Variants in GRM7 observed in about 807,000 individuals in gnomAD.
The protein encoded by GRM7 is metabotropic glutamate receptor 7.
A neutral mutation model predicts 84.5 loss-of-function variants in GRM7; 35 were observed. That is an observed-to-expected ratio of 0.41 (90% CI 0.32 to 0.55). The LOEUF is 0.55. GRM7 is among the 20% of genes least tolerant of loss of function. GRM7 has a pLI of 0.19. For synonymous variants in GRM7, 487 were observed against 455.1 expected (o/e 1.07, Z -0.89); for missense variants, 1,003 against 1,194.6 (o/e 0.84, Z 2.36).
At chr3:7,338,925 TC>T (rs1701529053) in intron 4 of GRM7, among the ~76,000 whole-genome samples, 1 of 150,886 alleles carries the variant, frequency 6.6e-6, no homozygotes, top group Non-Finnish European at 1.5e-5. Flanking sequence ...GAGACTACTT[TC>T]CAGGCTGGGG....
At chr3:7,262,723 G>A (rs995207891) in intron 2 of GRM7, among the ~76,000 whole-genome samples, 14 of 22,296 alleles carry the variant, frequency 6.3e-4, no homozygotes, top group African/African-American at 2.8e-3. Flanking sequence ...TTGAGATGGA[G>A]TCTCGCTTTG....
intron 8 of GRM7, among the ~76,000 whole-genome samples, chr3:7,639,814 A>G (rs1237921425): frequency 6.6e-6 from 1 of 152,170 alleles, no homozygotes; most frequent in Non-Finnish European, 1.5e-5. Context: ...CCACAACAAG[A>G]TATAGATTTC....
intron 5 of GRM7, among the ~76,000 whole-genome samples, chr3:7,447,981 T>A: frequency 6.9e-6 from 1 of 144,212 alleles, no homozygotes. Flanking sequence ...TTCCCACCTA[T>A]GAGTGAGAAC....
chr3:6,968,932 A>G (rs1335145004), intron 1 of GRM7, among the ~76,000 whole-genome samples: 1 of 152,218 alleles, frequency 6.6e-6, no homozygotes, highest in East Asian at 1.9e-4. Context: ...CAGAAATTCA[A>G]TTTGTGTGTA....
chr3:7,697,537 C>G (rs1559494145), intron 9 of GRM7, among the ~76,000 whole-genome samples: 1 of 152,112 alleles, frequency 6.6e-6, no homozygotes, highest in Non-Finnish European at 1.5e-5. Flanking sequence ...AAGGAGAGAA[C>G]AACAAAAGTT....
At chr3:7,051,631 C>T (rs927784773) in intron 1 of GRM7, among the ~76,000 whole-genome samples, 1 of 151,626 alleles carries the variant, frequency 6.6e-6, no homozygotes, top group African/African-American at 2.4e-5. Context: ...AATTGGTAAC[C>T]AGGATGTTTT....
intron 1 of GRM7, among the ~76,000 whole-genome samples, chr3:6,909,824 T>C (rs1413511244): frequency 6.6e-6 from 1 of 152,106 alleles, no homozygotes; most frequent in Admixed American, 6.6e-5. Context: ...CTATCCATGA[T>C]ATATAAATTA....
intron 4 of GRM7, among the ~76,000 whole-genome samples, chr3:7,334,364 C>T (rs1214452315): frequency 1.3e-5 from 2 of 151,970 alleles, no homozygotes; most frequent in Non-Finnish European, 2.9e-5. Flanking sequence ...AAAGATTTTG[C>T]CTGCTACCAA....
intron 4 of GRM7, among the ~76,000 whole-genome samples, chr3:7,376,193 A>G (rs1694341812): frequency 6.6e-6 from 1 of 152,128 alleles, no homozygotes; most frequent in South Asian, 2.1e-4. Flanking sequence ...TCTTACACCC[A>G]TGGTTCTCGC....
chr3:7,004,958 C>G (rs1421268144), intron 1 of GRM7, among the ~76,000 whole-genome samples: 5 of 152,134 alleles, frequency 3.3e-5, no homozygotes, highest in Non-Finnish European at 7.4e-5. Context: ...TTGTGCATGT[C>G]AGGAATCCTT....
chr3:6,895,597 T>C (rs904689855), intron 1 of GRM7, among the ~76,000 whole-genome samples: 1 of 152,178 alleles, frequency 6.6e-6, no homozygotes, highest in African/African-American at 2.4e-5. Context: ...TGAACCCTTT[T>C]TGTTGGATAC....
intron 5 of GRM7, among the ~76,000 whole-genome samples, chr3:7,438,982 G>A (rs1163514480): frequency 6.6e-6 from 1 of 152,172 alleles, no homozygotes; most frequent in African/African-American, 2.4e-5. Context: ...ATGTATAGAT[G>A]TAGAATTCGG....
rs12487218 is a variant in GRM7, at chr3:6,928,809, C to A, written c.519+66902C>A. Among the ~76,000 whole-genome samples the A allele has an allele frequency of 0.073, 11,161 of 152,214 alleles. 569 individuals are homozygous for A. The highest frequency in any genetic ancestry group is 0.11 in the Non-Finnish European group (7,414 of 68,018). The stretch of plus-strand genomic sequence containing the variant: ...AGAAAATGTTCTTTTAAATTGAGCA[C>A]GCTGTGGGTTTGTGAACACTTGTTT... On this transcript the variant is annotated intron_variant, in intron 1 of 9. Transcript: ENST00000357716. The surrounding 1 kb of genome is among the most constrained non-coding windows in gnomAD (Gnocchi z 4.5).
chr3:7,315,561 C>T (rs1380789583), intron 4 of GRM7, among the ~76,000 whole-genome samples: 1 of 152,168 alleles, frequency 6.6e-6, no homozygotes, highest in East Asian at 1.9e-4. Flanking sequence ...GTCCATCCTT[C>T]AGGTAGCCCC....
intron 1 of GRM7, among the ~76,000 whole-genome samples, chr3:7,023,723 C>G (rs547180845): frequency 6.6e-6 from 1 of 152,298 alleles, no homozygotes; most frequent in East Asian, 1.9e-4. Flanking sequence ...TGTCATCACA[C>G]AGTGTTCTCC....
chr3:6,977,936 T>G (rs1449590037), intron 1 of GRM7, among the ~76,000 whole-genome samples: 1 of 152,194 alleles, frequency 6.6e-6, no homozygotes, highest in Non-Finnish European at 1.5e-5. Context: ...TGTTAATAAC[T>G]TTATTACATT....
At chr3:7,076,148 C>T (rs1470672395) in intron 1 of GRM7, among the ~76,000 whole-genome samples, 1 of 152,136 alleles carries the variant, frequency 6.6e-6, no homozygotes, top group Non-Finnish European at 1.5e-5. Context: ...TCGATATTTA[C>T]TGGGAAGGTC....
intron 2 of GRM7, among the ~76,000 whole-genome samples, chr3:7,297,778 C>T (rs555194336): frequency 1.3e-5 from 2 of 152,300 alleles, no homozygotes; most frequent in East Asian, 3.9e-4. Context: ...TCTTGTGCCC[C>T]TTGGACGGCC....
In GRM7 at chr3:6,928,888, G is replaced by T. The variant is rs1360559209; in HGVS notation, c.519+66981G>T. Among the ~76,000 whole-genome samples, 1 of 152,202 alleles carries T rather than the reference G, an allele frequency of 6.6e-6. No homozygotes were observed. The highest frequency in any genetic ancestry group is 1.5e-5 in the Non-Finnish European group (1 of 68,038). ...ATTTGAACTGGTACATAAAATGCCA[G>T]TCATAGTGTTTTAAAGTGATTTTTC... On this transcript the variant is annotated intron_variant, in intron 1 of 9. Coordinates refer to ENST00000357716, the MANE Select transcript of GRM7 (RefSeq NM_000844.4). The surrounding 1 kb of genome is among the most constrained non-coding windows in gnomAD (Gnocchi z 4.5).
Sources: gnomAD v4.1 joint callset for allele counts (sites outside exome capture counted in the v4.1 genomes callset) on GRCh38, gnomAD v4.1.1 for gene constraint, Gnocchi (gnomAD v3.1) non-coding constraint, MANE v1.5 for transcripts, NCBI Gene and HGNC (gene_info 2026-07-23, HGNC 2026-07-21) for gene names.